Variants in TUSC3 observed in about 807,000 individuals in gnomAD.
TUSC3 encodes the protein tumor suppressor candidate 3, also known as dolichyl-diphosphooligosaccharide--protein glycosyltransferase subunit TUSC3.
In TUSC3, 45 loss-of-function variants were observed where a neutral mutation model predicts 44.8. That is an observed-to-expected ratio of 1.00 (90% CI 0.79 to 1.29). The LOEUF (loss-of-function observed/expected upper bound fraction) is 1.29. Among genes scored for constraint, TUSC3 ranks in the 50% most tolerant of loss-of-function variants. The pLI is 0.00. For missense variants in TUSC3, 519 were observed against 437.9 expected, an observed-to-expected ratio of 1.19 and a Z score of -1.65; for synonymous variants, 212 against 152.9, an observed-to-expected ratio of 1.39 and a Z score of -2.85.
intron 2 of TUSC3, among the ~76,000 whole-genome samples, chr8:15,500,902 G>C (rs1038655565): frequency 6.6e-6 from 1 of 152,074 alleles, no homozygotes; most frequent in Non-Finnish European, 1.5e-5. Context: ...CCTTTTTCAA[G>C]AGCAACCAAA....
downstream of TUSC3, among the ~76,000 whole-genome samples, chr8:15,767,480 T>TA (rs769780435): frequency 5.0e-4 from 75 of 150,198 alleles, no homozygotes; most frequent in Middle Eastern, 3.5e-3. Context: ...GAAATTTGTT[T>TA]TAAAAAAAAA....
chr8:15,793,046 C>A, the TUSC3 span, among the ~76,000 whole-genome samples: 2 of 152,108 alleles, frequency 1.3e-5, no homozygotes, highest in East Asian at 3.9e-4. Flanking sequence ...TCCCAACAAC[C>A]AATTCTACCC....
At chr8:15,722,743 G>A (rs554799624) in intron 6 of TUSC3, among the ~76,000 whole-genome samples, 1 of 151,760 alleles carries the variant, frequency 6.6e-6, no homozygotes, top group East Asian at 1.9e-4. Context: ...GAAAATTTTT[G>A]TTAAAAAACA....
intron 6 of TUSC3, among the ~76,000 whole-genome samples, chr8:15,692,135 T>A (rs1285966147): frequency 6.6e-6 from 1 of 152,156 alleles, no homozygotes; most frequent in Non-Finnish European, 1.5e-5. Flanking sequence ...TATTGATCTG[T>A]GTATGTTGAA....
the TUSC3 span, among the ~76,000 whole-genome samples, chr8:15,840,459 T>A: frequency 6.6e-6 from 1 of 152,096 alleles, no homozygotes; most frequent in Non-Finnish European, 1.5e-5. Flanking sequence ...CTTTGAGATA[T>A]GTAGCAAGAA....
chr8:15,420,912 A>T (rs1027076989), intron 1 of TUSC3, among the ~76,000 whole-genome samples: 1 of 151,710 alleles, frequency 6.6e-6, no homozygotes, highest in Non-Finnish European at 1.5e-5. Context: ...TTAATCTTCT[A>T]CTCTTTAACA....
intron 4 of TUSC3, among the ~76,000 whole-genome samples, chr8:15,661,235 T>C (rs1337774041): frequency 2.6e-5 from 4 of 152,070 alleles, no homozygotes; most frequent in Non-Finnish European, 5.9e-5. Context: ...ACTACCCATA[T>C]TACAATTTTG....
In TUSC3 at chr8:15,723,064, A is replaced by C. The variant is rs182768471; in HGVS notation, c.799-7602A>C. Among the ~76,000 whole-genome samples, 3 of 152,262 alleles carry C rather than the reference A, an allele frequency of 2.0e-5. No homozygotes were observed. In the East Asian group the frequency reaches 5.8e-4, roughly 29 times the overall value. ...AGCCTGAAAATCTGTTTTTTAAACA[A>C]ATATCTCTGGTCAGTTTCATGCACA... is the stretch of plus-strand genomic sequence containing the variant. On this transcript the variant is annotated intron_variant, in intron 6 of 10. Transcript: ENST00000503731.
chr8:15,649,476 T>C (rs922247367), intron 2 of TUSC3, among the ~76,000 whole-genome samples: 1 of 151,180 alleles, frequency 6.6e-6, no homozygotes, highest in South Asian at 2.1e-4. Context: ...CCCAGCTGCT[T>C]GGGAGGCTGA....
chr8:15,454,093 C>G (rs537623782), intron 1 of TUSC3, among the ~76,000 whole-genome samples: 2 of 152,184 alleles, frequency 1.3e-5, no homozygotes, highest in East Asian at 1.9e-4. Flanking sequence ...CTCCCAAGTG[C>G]TGGCAGGCCA....
chr8:15,563,359 T>C (rs1802548015), intron 1 of TUSC3, among the ~76,000 whole-genome samples: 1 of 151,934 alleles, frequency 6.6e-6, no homozygotes, highest in South Asian at 2.1e-4. Flanking sequence ...CATGGTGATG[T>C]TGGAGATTGT....
the TUSC3 span, among the ~76,000 whole-genome samples, chr8:15,815,443 G>A: frequency 2.0e-5 from 3 of 151,580 alleles, no homozygotes. Flanking sequence ...AGAAGTAGAT[G>A]TGCTTTCATT....
intron 1 of TUSC3, among the ~76,000 whole-genome samples, chr8:15,561,110 C>G (rs1052889436): frequency 9.7e-6 from 1 of 102,682 alleles, no homozygotes; most frequent in African/African-American, 3.5e-5. Context: ...TTTTTCTGTT[C>G]TGTTTTTTCC....
chr8:15,845,403 G>A, the TUSC3 span, among the ~76,000 whole-genome samples: 1 of 152,148 alleles, frequency 6.6e-6, no homozygotes, highest in African/African-American at 2.4e-5. Flanking sequence ...ATGAAAATTT[G>A]TATTAACATG....
chr8:15,453,277 C>G (rs1238423486), intron 1 of TUSC3, among the ~76,000 whole-genome samples: 2 of 152,000 alleles, frequency 1.3e-5, no homozygotes, highest in South Asian at 2.1e-4. Flanking sequence ...TTAACCATGT[C>G]TGCAAACCAT....
intron 1 of TUSC3, among the ~76,000 whole-genome samples, chr8:15,456,961 C>G (rs1252896255): frequency 6.6e-6 from 1 of 152,014 alleles, no homozygotes; most frequent in Non-Finnish European, 1.5e-5. Context: ...AAAATAAAGA[C>G]AATTCCAAGT....
At chr8:15,787,343 C>G in the TUSC3 span, among the ~76,000 whole-genome samples, 1 of 152,036 alleles carries the variant, frequency 6.6e-6, no homozygotes, top group Non-Finnish European at 1.5e-5. Flanking sequence ...CAATCCTTGA[C>G]AATAAGACTA....
At chr8:15,581,638 G>C (rs1013077099) in intron 1 of TUSC3, among the ~76,000 whole-genome samples, 1 of 149,808 alleles carries the variant, frequency 6.7e-6, no homozygotes, top group African/African-American at 2.5e-5. Context: ...TTGGGGGTCA[G>C]GGGTCAGGGA....
chr8:15,599,781 A>G (rs1804210161), intron 1 of TUSC3, among the ~76,000 whole-genome samples: 1 of 137,634 alleles, frequency 7.3e-6, no homozygotes, highest in South Asian at 2.3e-4. Flanking sequence ...TTGATCTGTT[A>G]TTTTGCCAGT....
Sources: gnomAD v4.1 joint callset for allele counts (sites outside exome capture counted in the v4.1 genomes callset) on GRCh38, gnomAD v4.1.1 for gene constraint, MANE v1.5 for transcripts, NCBI Gene and HGNC (gene_info 2026-07-23, HGNC 2026-07-21) for gene names.